Variants in CCDC171 observed in about 807,000 individuals in gnomAD.
The protein encoded by CCDC171 is coiled-coil domain-containing protein 171.
CCDC171 carries 177 observed loss-of-function variants against 168.2 expected under a neutral mutation model. That is an observed-to-expected ratio of 1.05 (90% CI 0.93 to 1.19). CCDC171 has a LOEUF of 1.19. Among genes scored for constraint, CCDC171 ranks in the 50% most tolerant of loss-of-function variants. The pLI, the probability that CCDC171 is intolerant of heterozygous loss-of-function variation, is 0.00. For missense variants in CCDC171, 1,991 were observed against 1,539.0 expected, an observed-to-expected ratio of 1.29 and a Z score of -4.91; for synonymous variants, 687 against 540.8, an observed-to-expected ratio of 1.27 and a Z score of -3.75.
intron 21 of CCDC171, among the ~76,000 whole-genome samples, chr9:15,800,805 G>A (rs959243799): frequency 2.6e-5 from 4 of 151,934 alleles, no homozygotes; most frequent in South Asian, 4.2e-4. Flanking sequence ...CAAGAGATAA[G>A]GGTCTAGTTT....
At chr9:15,767,535 A>G (rs1462580537) in intron 18 of CCDC171, among the ~76,000 whole-genome samples, 1 of 152,106 alleles carries the variant, frequency 6.6e-6, no homozygotes, top group African/African-American at 2.4e-5. Flanking sequence ...TCGTTGTGTA[A>G]CATAACACAG....
intron 21 of CCDC171, among the ~76,000 whole-genome samples, chr9:15,788,739 A>T (rs569819568): frequency 6.6e-6 from 1 of 152,020 alleles, no homozygotes; most frequent in Non-Finnish European, 1.5e-5. Flanking sequence ...TTTTGTAGAG[A>T]TGGAAACTGC....
intron 13 of CCDC171, 27 bp downstream of exon 13, chr9:15,723,773 T>G: frequency 8.7e-7 from 1 of 1,150,306 alleles, no homozygotes. Context: ...CTTTTACCTT[T>G]TGTATTAAGA....
At chr9:16,069,580 C>G in the CCDC171 span, among the ~76,000 whole-genome samples, 1 of 152,240 alleles carries the variant, frequency 6.6e-6, no homozygotes, top group African/African-American at 2.4e-5. Flanking sequence ...AGAAGCAGCT[C>G]TGGTCAGGGA....
chr9:16,037,985 A>G (rs772964846), upstream of CCDC171, among the ~76,000 whole-genome samples: 4 of 152,216 alleles, frequency 2.6e-5, no homozygotes, highest in Non-Finnish European at 5.9e-5. Flanking sequence ...GTAAGTGTGA[A>G]TTCAAACTTC....
intron 18 of CCDC171, among the ~76,000 whole-genome samples, chr9:15,766,785 A>G (rs1156662717): frequency 1.3e-5 from 2 of 152,134 alleles, no homozygotes; most frequent in African/African-American, 4.8e-5. Flanking sequence ...CCTCCTGAGT[A>G]TCTAGGACTA....
At chr9:16,059,405 C>T (rs1432608058) in intron 1 of CCDC171, among the ~76,000 whole-genome samples, 1 of 151,438 alleles carries the variant, frequency 6.6e-6, no homozygotes, top group Non-Finnish European at 1.5e-5. Flanking sequence ...CCGGAGAGGA[C>T]TTCCACACTG....
chr9:15,799,200 G>A (rs1019880959), intron 21 of CCDC171, among the ~76,000 whole-genome samples: 9 of 132,834 alleles, frequency 6.8e-5, no homozygotes, highest in Admixed American at 8.3e-5. Flanking sequence ...ATATAGACCC[G>A]TGTTTCCATC....
In CCDC171 at chr9:15,818,008, C is replaced by T. The variant is rs2059624327; in HGVS notation, c.3268-28694C>T. Among the ~76,000 whole-genome samples, 3 of 116,864 alleles carry T rather than the reference C, an allele frequency of 2.6e-5. 1 individual carries two copies. In the South Asian group the frequency reaches 8.5e-4, roughly 33 times the overall value. 76.7% of individuals were successfully genotyped at this position (116,864 alleles called of 152,430 possible). ...CTCTGAGACAAAACTTCCAGAGGAA[C>T]GATCAGGCAGCAGCATTTGCGGTTC... is the stretch of plus-strand genomic sequence containing the variant. On this transcript the variant is annotated intron_variant, in intron 21 of 25. Transcript: ENST00000380701.
At chr9:16,014,929 A>G (rs1157425623) in intron 3 of CCDC171, among the ~76,000 whole-genome samples, 2 of 152,106 alleles carry the variant, frequency 1.3e-5, no homozygotes, top group Non-Finnish European at 2.9e-5. Flanking sequence ...TTCAAGTTAA[A>G]GTCACCAGCT....
chr9:15,590,506 A>G (rs2041897350), intron 4 of CCDC171, among the ~76,000 whole-genome samples: 1 of 152,198 alleles, frequency 6.6e-6, no homozygotes, highest in Admixed American at 6.5e-5. Flanking sequence ...ACAGAGCAGC[A>G]GTGTTAGTGT....
chr9:15,649,531 T>A (rs573853621), intron 7 of CCDC171, among the ~76,000 whole-genome samples: 2 of 152,076 alleles, frequency 1.3e-5, no homozygotes, highest in South Asian at 2.1e-4. Context: ...GAATCTACAA[T>A]GAACTCAAAC....
Position 15,779,077 on chromosome 9 carries a change from G to C in CCDC171, c.3008G>C (p.Ser1003Thr). The C allele has an allele frequency of 6.2e-7, 1 of 1,604,586 alleles. No homozygotes were observed. Among genetic ancestry groups the C allele is most frequent in the Non-Finnish European group, 8.5e-7 (1 of 1,176,016 alleles). The change falls in exon 20 of 26, where the codon AGT becomes ACT. Residue 1003 changes from serine (S) to threonine (T), a missense_variant. Physicochemically the swap from Ser to Thr is moderately conservative, Grantham distance 58. Coordinates refer to ENST00000380701, the MANE Select transcript of CCDC171 (RefSeq NM_173550.4). ...LRLEVTEFKR[S>T]VNEMKKELDK... The stretch of plus-strand genomic sequence containing the variant: ...TTAGAGGTCACAGAATTCAAACGAA[G>C]TGTGAATGAAATGAAAAAGGAGCTT...
chr9:16,079,445 C>T, the CCDC171 span, among the ~76,000 whole-genome samples: 1 of 152,184 alleles, frequency 6.6e-6, no homozygotes, highest in Admixed American at 6.5e-5. Context: ...GACAATTATT[C>T]ACTTAGAGAG....
intron 18 of CCDC171, among the ~76,000 whole-genome samples, chr9:15,751,013 T>C (rs1349352124): frequency 6.6e-6 from 1 of 152,174 alleles, no homozygotes; most frequent in Non-Finnish European, 1.5e-5. Flanking sequence ...GATGATTGTA[T>C]ATTTAGAAAA....
At chr9:15,797,261 G>C (rs1207883640) in intron 21 of CCDC171, among the ~76,000 whole-genome samples, 1 of 152,140 alleles carries the variant, frequency 6.6e-6, no homozygotes, top group Non-Finnish European at 1.5e-5. Context: ...TTGTCACTCA[G>C]GCTGGAGTGC....
chr9:15,582,792 G>T (rs1197233393), intron 4 of CCDC171, among the ~76,000 whole-genome samples: 1 of 152,056 alleles, frequency 6.6e-6, no homozygotes, highest in Admixed American at 6.6e-5. Context: ...GGAGGTGGGG[G>T]GCTGGGGGAG....
intron 7 of CCDC171, among the ~76,000 whole-genome samples, chr9:15,642,829 A>G (rs1436912582): frequency 6.6e-6 from 1 of 152,134 alleles, no homozygotes; most frequent in East Asian, 1.9e-4. Flanking sequence ...GAAAAACAGA[A>G]CCTCTTTTTG....
At position 15,750,661 on chromosome 9, in the gene CCDC171, G is replaced by A. The variant is rs1044703559; in HGVS notation, c.2671+5030G>A. On this transcript the variant is annotated intron_variant, in intron 18 of 25. Coordinates refer to ENST00000380701, the MANE Select transcript of CCDC171 (RefSeq NM_173550.4). ...ATAAACATAATCCATCACAGAAACA[G>A]AACCAACCACAAAAACCACATGATT... is the stretch of plus-strand genomic sequence containing the variant. Among the ~76,000 whole-genome samples the A allele has an allele frequency of 7.2e-4, 109 of 152,120 alleles. 1 individual carries two copies. The highest frequency in any genetic ancestry group is 2.4e-3 in the African/African-American group (100 of 41,424).
Sources: gnomAD v4.1 joint callset for allele counts (sites outside exome capture counted in the v4.1 genomes callset) on GRCh38, gnomAD v4.1.1 for gene constraint, MANE v1.5 for transcripts, NCBI Gene and HGNC (gene_info 2026-07-23, HGNC 2026-07-21) for gene names.